SMG7: variants seen among roughly 807,000 people sequenced by gnomAD.
SMG7 encodes SMG7 nonsense mediated mRNA decay factor.
In SMG7, 34 loss-of-function variants were observed where a neutral mutation model predicts 148.2. The observed-to-expected ratio is 0.23, with a 90% CI of 0.17 to 0.31. SMG7 has a LOEUF of 0.31. SMG7 is among the 10% of genes least tolerant of loss of function. The probability of loss-of-function intolerance (pLI) is 1.00; values close to 1 mark genes in which losing one functional copy is unlikely to be tolerated. For missense variants in SMG7, 1,114 were observed against 1,408.4 expected, an observed-to-expected ratio of 0.79 and a Z score of 3.35; for synonymous variants, 492 against 515.1, an observed-to-expected ratio of 0.96 and a Z score of 0.61.
rs146093471 is a variant in SMG7, at chr1:183,542,178, G to T, written c.1518G>T (p.Leu506=). Reference sequence around the variant, plus strand: ...GTGAAGCCAAAGAGAACCTCATTCTGCAAGAAACATCTGTGATAGAGTCGC... The same window carrying T: ...GTGAAGCCAAAGAGAACCTCATTCTTCAAGAAACATCTGTGATAGAGTCGC... ...DPSEAKENLI[L]QETSVIESLA... Residue 506 remains leucine (L), a synonymous_variant, in exon 14 of 23, where the codon CTG becomes CTT. Transcript: ENST00000688051. 5.6e-5 allele frequency: 90 copies of T among 1,614,092 alleles called. No homozygotes were observed. In the African/African-American group the frequency reaches 6.4e-4, roughly 11 times the overall value.
chr1:183,511,225 A>C (rs1032012524), intron 1 of SMG7, among the ~76,000 whole-genome samples: 1 of 152,196 alleles, frequency 6.6e-6, no homozygotes, highest in Non-Finnish European at 1.5e-5. Context: ...TCTCATTAAA[A>C]ATATTGAGTG....
At chr1:183,523,606 A>C (rs1665222342) in intron 4 of SMG7, among the ~76,000 whole-genome samples, 1 of 152,172 alleles carries the variant, frequency 6.6e-6, no homozygotes, top group Non-Finnish European at 1.5e-5. Flanking sequence ...TGTTCAATTT[A>C]TGAAACATCC....
chr1:183,527,850 C>A lies in SMG7; in HGVS notation c.485-106C>A. ...TATTTTGTCTTTAATTTTAAATTAACTTTAATGTCTTTATTATCTTTAGAA... is the reference window on the plus strand; with the variant it reads ...TATTTTGTCTTTAATTTTAAATTAAATTTAATGTCTTTATTATCTTTAGAA... On this transcript the variant is annotated intron_variant, in intron 5 of 22. Transcript: ENST00000688051. The surrounding 1 kb of genome is among the most constrained non-coding windows in gnomAD (Gnocchi z 4.0). The A allele has an allele frequency of 1.4e-6, 1 of 722,034 alleles. No individual in the cohort carries two copies. Among genetic ancestry groups the A allele is most frequent in the South Asian group, 1.7e-5 (1 of 59,552 alleles). The allele number at this position is 722,034 out of a possible 1,614,324, so 44.7% of individuals were successfully genotyped here.
chr1:183,532,657 A>AT (rs1370346199), intron 8 of SMG7, among the ~76,000 whole-genome samples: 4 of 152,184 alleles, frequency 2.6e-5, no homozygotes, highest in Non-Finnish European at 5.9e-5. Flanking sequence ...TGCCTTGTTT[A>AT]TAAAATAAGT....
chr1:183,489,079 A>G (rs1656274974), intron 1 of SMG7, among the ~76,000 whole-genome samples: 1 of 152,116 alleles, frequency 6.6e-6, no homozygotes, highest in Admixed American at 6.5e-5. Context: ...GTTTTCACCG[A>G]CAGAATCCTG....
Position 183,551,169 on chromosome 1 carries a change from T to C in SMG7, c.3429T>C (p.Ala1143=), listed in dbSNP as rs1670982532. The change falls in exon 22 of 23, where the codon GCT becomes GCC. Residue 1143 remains alanine (A), a synonymous_variant. Coordinates refer to ENST00000688051, the MANE Select transcript of SMG7 (RefSeq NM_001375584.1). ...GCCCTTCCATGGAGGATTCCTCTGC[T>C]GTCCTCATGGAAAGCCTAAAGGTGA... ...GHGPSMEDSS[A]VLMESLKSIW... is the part of the protein sequence containing the mutation. 2 of 1,580,270 alleles carry C rather than the reference T, an allele frequency of 1.3e-6. No individual in the cohort carries two copies. Among genetic ancestry groups the C allele is most frequent in the Non-Finnish European group, 8.5e-7 (1 of 1,171,492 alleles).
intron 4 of SMG7, among the ~76,000 whole-genome samples, chr1:183,526,353 C>T (rs576624588): frequency 6.6e-6 from 1 of 151,788 alleles, no homozygotes; most frequent in Non-Finnish European, 1.5e-5. Flanking sequence ...GGGGTTTCAT[C>T]ATGTTGGCCA....
At chr1:183,510,243 C>A (rs943064911) in intron 1 of SMG7, among the ~76,000 whole-genome samples, 11 of 151,894 alleles carry the variant, frequency 7.2e-5, no homozygotes, top group African/African-American at 2.7e-4. Flanking sequence ...CATAATTAAC[C>A]CTAGCTTTCT....
chr1:183,537,060 C>G, intron 10 of SMG7, 85 bp from the exon 11 acceptor site: 1 of 914,202 alleles, frequency 1.1e-6, no homozygotes, highest in South Asian at 1.3e-5. Flanking sequence ...AAGTCCAGGA[C>G]CTATAGATAC....
intron 1 of SMG7, among the ~76,000 whole-genome samples, chr1:183,489,648 T>C (rs998385349): frequency 2.0e-5 from 3 of 152,206 alleles, no homozygotes; most frequent in Non-Finnish European, 4.4e-5. Context: ...TGCCTTTGTA[T>C]TGTCTTCAAT....
chr1:183,540,085 G>A (rs1040481515), intron 12 of SMG7, among the ~76,000 whole-genome samples: 1 of 151,990 alleles, frequency 6.6e-6, no homozygotes, highest in Non-Finnish European at 1.5e-5. Flanking sequence ...TACACTATGT[G>A]CTATACTTGA....
At chr1:183,508,275 C>A in intron 1 of SMG7, 1 of 215,482 alleles carries the variant, frequency 4.6e-6, no homozygotes, top group Non-Finnish European at 7.9e-6. Flanking sequence ...TTCACTGCAG[C>A]TTCAGAACTC....
intron 1 of SMG7, among the ~76,000 whole-genome samples, chr1:183,494,563 C>T (rs1169585717): frequency 9.4e-5 from 14 of 149,712 alleles, no homozygotes; most frequent in Admixed American, 8.6e-4. Flanking sequence ...TGGTATTGAT[C>T]TCTTGGCATC....
At chr1:183,534,512 AGC>A (rs1667398561) in intron 10 of SMG7, among the ~76,000 whole-genome samples, 1 of 152,216 alleles carries the variant, frequency 6.6e-6, no homozygotes, top group South Asian at 2.1e-4. Flanking sequence ...TTTGTGGCCC[AGC>A]ATGTATATTG....
intron 19 of SMG7, 135 bp downstream of exon 19, chr1:183,549,423 C>T: frequency 1.5e-6 from 1 of 684,248 alleles, no homozygotes; most frequent in Admixed American, 2.8e-5. Flanking sequence ...GATTTTATCC[C>T]CCTTGTCTCT....
chr1:183,534,906 G>A (rs917185255), intron 10 of SMG7, among the ~76,000 whole-genome samples: 7 of 151,174 alleles, frequency 4.6e-5, no homozygotes, highest in African/African-American at 1.7e-4. Flanking sequence ...TTTCTCTCAT[G>A]TAGTTATAAG....
At chr1:183,499,770 A>G (rs909784281) in intron 1 of SMG7, among the ~76,000 whole-genome samples, 5 of 152,080 alleles carry the variant, frequency 3.3e-5, no homozygotes, top group African/African-American at 1.2e-4. Flanking sequence ...ACCATTTCCA[A>G]ATAAATTTGG....
intron 1 of SMG7, among the ~76,000 whole-genome samples, chr1:183,490,913 G>A (rs747918285): frequency 5.9e-5 from 9 of 152,124 alleles, no homozygotes; most frequent in Non-Finnish European, 1.2e-4. Context: ...AGCCTCCTAA[G>A]TAGCTGGGAT....
chr1:183,540,085 G>T lies in SMG7; in HGVS notation c.1296-899G>T, dbSNP rs1040481515. On this transcript the variant is annotated intron_variant, in intron 12 of 22. Transcript: ENST00000688051. ...TATTTATAAACTCTATACACTATGTGCTATACTTGAATAGCTCACTATTTT... is the reference window on the plus strand; with the variant it reads ...TATTTATAAACTCTATACACTATGTTCTATACTTGAATAGCTCACTATTTT... 2.0e-5 allele frequency among the ~76,000 whole-genome samples: 3 copies of T among 151,990 alleles called. No individual in the cohort carries two copies. In the East Asian group the frequency reaches 5.8e-4, roughly 29 times the overall value.
Sources: allele counts gnomAD v4.1 joint callset (sites outside exome capture counted in the v4.1 genomes callset), GRCh38; gene constraint gnomAD v4.1.1; non-coding constraint Gnocchi (gnomAD v3.1); transcripts MANE v1.5; gene names NCBI Gene and HGNC (gene_info 2026-07-23, HGNC 2026-07-21).